The following CNTNAP2 variants were observed in gnomAD, a reference collection of about 807,000 sequenced individuals.
CNTNAP2 encodes contactin-associated protein-like 2.
In CNTNAP2, 98 loss-of-function variants were observed where a neutral mutation model predicts 155.2. The ratio of observed to expected loss-of-function variants is 0.63; its 90% confidence interval spans 0.54 to 0.75. The LOEUF (loss-of-function observed/expected upper bound fraction) is 0.75. CNTNAP2 is among the 30% of genes least tolerant of loss of function. CNTNAP2 has a pLI of 0.00. For missense variants in CNTNAP2, 1,727 were observed against 1,688.1 expected, an observed-to-expected ratio of 1.02 and a Z score of -0.40; for synonymous variants, 651 against 631.2, an observed-to-expected ratio of 1.03 and a Z score of -0.47.
chr7:148,344,141 T>C (rs1798281087), intron 21 of CNTNAP2, among the ~76,000 whole-genome samples: 1 of 152,210 alleles, frequency 6.6e-6, no homozygotes, highest in Non-Finnish European at 1.5e-5. Context: ...TTTGACTCAG[T>C]CTCTCCTAGC....
intron 8 of CNTNAP2, among the ~76,000 whole-genome samples, chr7:147,220,223 G>A (rs927944379): frequency 1.6e-4 from 24 of 152,048 alleles, no homozygotes; most frequent in Admixed American, 1.5e-3. Context: ...ATCAATATGA[G>A]ATTTTCCTCT....
intron 10 of CNTNAP2, among the ~76,000 whole-genome samples, chr7:147,455,401 C>T (rs1011230645): frequency 3.3e-5 from 5 of 151,986 alleles, no homozygotes; most frequent in Admixed American, 6.6e-5. Context: ...GTAAGTTGCT[C>T]GAGTTAACAT....
rs1301920193 is a variant in CNTNAP2 at position 147,802,238 on chromosome 7, C to T, written c.2099-101327C>T. On this transcript the variant is annotated intron_variant, in intron 13 of 23. Transcript: ENST00000361727. ...CGATGGGCGGCCGGGAAGAGACGCTCCTCACTTCCCAGATGGGATGGCGGC... is the reference window on the plus strand; with the variant it reads ...CGATGGGCGGCCGGGAAGAGACGCTTCTCACTTCCCAGATGGGATGGCGGC... Among the ~76,000 whole-genome samples, 25 of 150,414 alleles carry T rather than the reference C, an allele frequency of 1.7e-4. No individual in the cohort carries two copies. The East Asian group carries it at 4.8e-3, about 29-fold the overall frequency.
intron 13 of CNTNAP2, among the ~76,000 whole-genome samples, chr7:147,731,120 C>T (rs1169933807): frequency 6.6e-6 from 1 of 152,084 alleles, no homozygotes; most frequent in Non-Finnish European, 1.5e-5. Flanking sequence ...ACAGCAAATG[C>T]TGATGTAGAA....
At chr7:147,185,275 T>C (rs2116509334) in intron 8 of CNTNAP2, among the ~76,000 whole-genome samples, 1 of 152,276 alleles carries the variant, frequency 6.6e-6, no homozygotes, top group Admixed American at 6.5e-5. Flanking sequence ...GGTATAAATA[T>C]ATTCATTAAT....
intron 11 of CNTNAP2, among the ~76,000 whole-genome samples, chr7:147,548,664 G>A (rs1014226984): frequency 2.0e-5 from 3 of 152,080 alleles, no homozygotes; most frequent in African/African-American, 7.2e-5. Flanking sequence ...TGACATTTTT[G>A]TCATGAAGTC....
chr7:147,220,675 G>T (rs765735504), intron 8 of CNTNAP2, among the ~76,000 whole-genome samples: 1 of 151,792 alleles, frequency 6.6e-6, no homozygotes, highest in Non-Finnish European at 1.5e-5. Flanking sequence ...GTATGATTAC[G>T]TGTTCTCTCC....
At chr7:147,323,123 G>C (rs1795384663) in intron 9 of CNTNAP2, among the ~76,000 whole-genome samples, 1 of 24,178 alleles carries the variant, frequency 4.1e-5, no homozygotes, top group East Asian at 2.1e-3. Context: ...GCTAGCTTTT[G>C]AATGTGTTTG....
chr7:147,501,956 T>A (rs73744129), intron 11 of CNTNAP2, among the ~76,000 whole-genome samples: 7,626 of 152,228 alleles, frequency 0.05, 509 homozygotes, highest in African/African-American at 0.15. Context: ...AATTGAAATC[T>A]TCCCACTTGT....
At chr7:146,363,110 A>G (rs981967915) in intron 1 of CNTNAP2, among the ~76,000 whole-genome samples, 10 of 152,180 alleles carry the variant, frequency 6.6e-5, no homozygotes, top group African/African-American at 2.4e-4. Flanking sequence ...AATGGTATTA[A>G]ATATTTACAT....
intron 1 of CNTNAP2, among the ~76,000 whole-genome samples, chr7:146,707,873 T>C (rs144202260): frequency 1.3e-5 from 2 of 152,276 alleles, no homozygotes; most frequent in East Asian, 1.9e-4. Flanking sequence ...TGAGTCTTGA[T>C]AACTGATGGA....
intron 15 of CNTNAP2, among the ~76,000 whole-genome samples, chr7:148,102,211 A>C (rs563580128): frequency 1.3e-5 from 2 of 152,116 alleles, no homozygotes; most frequent in Non-Finnish European, 2.9e-5. Flanking sequence ...ACTCCCACTT[A>C]TAAGTGAGAA....
chr7:146,186,658 C>T (rs530292085), intron 1 of CNTNAP2, among the ~76,000 whole-genome samples: 176 of 152,168 alleles, frequency 1.2e-3, no homozygotes, highest in African/African-American at 4.2e-3. Context: ...GATATGAAAT[C>T]CTTGGTCACA....
chr7:146,622,261 ATC>A (rs1563160522), intron 1 of CNTNAP2, among the ~76,000 whole-genome samples: 29 of 137,428 alleles, frequency 2.1e-4, no homozygotes, highest in Middle Eastern at 3.9e-3. Context: ...CTATCTATCT[ATC>A]TATCTATCTA....
intron 13 of CNTNAP2, among the ~76,000 whole-genome samples, chr7:147,838,036 C>T (rs1798661555): frequency 6.6e-6 from 1 of 152,216 alleles, no homozygotes; most frequent in Non-Finnish European, 1.5e-5. Flanking sequence ...TGGAGGGTCT[C>T]AAACCTCAGT....
chr7:146,818,936 G>C (rs987339025), intron 2 of CNTNAP2, among the ~76,000 whole-genome samples: 1 of 151,580 alleles, frequency 6.6e-6, no homozygotes, highest in African/African-American at 2.4e-5. Flanking sequence ...CATTAAGGTA[G>C]GTAAATTTTT....
intron 18 of CNTNAP2, among the ~76,000 whole-genome samples, chr7:148,192,532 A>G (rs1380432925): frequency 6.7e-6 from 1 of 150,228 alleles, no homozygotes; most frequent in Non-Finnish European, 1.5e-5. Context: ...TGGATGACCA[A>G]AAAAAAAAAC....
At chr7:147,332,236 C>T (rs766792953) in intron 9 of CNTNAP2, among the ~76,000 whole-genome samples, 5 of 152,120 alleles carry the variant, frequency 3.3e-5, no homozygotes, top group African/African-American at 7.2e-5. Context: ...TACTATGATG[C>T]GCTCTATTCT....
chr7:147,313,708 C>G (rs982001470), intron 9 of CNTNAP2, among the ~76,000 whole-genome samples: 4 of 152,256 alleles, frequency 2.6e-5, no homozygotes, highest in African/African-American at 7.2e-5. Flanking sequence ...ATGCCTCCAG[C>G]TTTGTTCTTT....
Sources: gnomAD v4.1 joint callset for allele counts (sites outside exome capture counted in the v4.1 genomes callset) on GRCh38, gnomAD v4.1.1 for gene constraint, MANE v1.5 for transcripts, NCBI Gene and HGNC (gene_info 2026-07-23, HGNC 2026-07-21) for gene names.